Variants in STXBP5L observed in about 807,000 individuals in gnomAD.
STXBP5L encodes the protein syntaxin-binding protein 5-like.
STXBP5L carries 65 observed loss-of-function variants against 144.5 expected under a neutral mutation model. The observed-to-expected ratio is 0.45, with a 90% CI of 0.37 to 0.55. The LOEUF (loss-of-function observed/expected upper bound fraction) is 0.55, where lower values mean the gene tolerates loss of function less well. STXBP5L is among the 20% of genes least tolerant of loss of function. The pLI, the probability that STXBP5L is intolerant of heterozygous loss-of-function variation, is 0.00. For synonymous variants in STXBP5L, 505 were observed against 469.6 expected (o/e 1.08, Z -0.97); for missense variants, 1,298 against 1,405.5 (o/e 0.92, Z 1.22).
At chr3:121,081,578 G>A (rs756450693) in intron 5 of STXBP5L, among the ~76,000 whole-genome samples, 4 of 152,028 alleles carry the variant, frequency 2.6e-5, no homozygotes, top group Non-Finnish European at 4.4e-5. Flanking sequence ...AGAATGGCAG[G>A]GATCTCTTGA....
At chr3:121,386,921 G>C (rs531520655) in intron 22 of STXBP5L, among the ~76,000 whole-genome samples, 1 of 152,296 alleles carries the variant, frequency 6.6e-6, no homozygotes, top group East Asian at 1.9e-4. Flanking sequence ...TATATACCCA[G>C]TAATGGGATT....
At chr3:120,991,926 C>T (rs1422994445) in intron 3 of STXBP5L, among the ~76,000 whole-genome samples, 1 of 151,956 alleles carries the variant, frequency 6.6e-6, no homozygotes, top group African/African-American at 2.4e-5. Context: ...CTAACATGCA[C>T]GTTGTGCAGA....
intron 7 of STXBP5L, among the ~76,000 whole-genome samples, chr3:121,132,910 G>T (rs1270185368): frequency 2.0e-5 from 3 of 152,072 alleles, no homozygotes; most frequent in African/African-American, 7.2e-5. Flanking sequence ...TGAACCCAAA[G>T]ACAGGTAACT....
chr3:121,414,077 T>C (rs1300145816), intron 24 of STXBP5L, among the ~76,000 whole-genome samples: 1 of 152,146 alleles, frequency 6.6e-6, no homozygotes, highest in Non-Finnish European at 1.5e-5. Flanking sequence ...GCTCAGTGCC[T>C]GGAATATAGT....
chr3:121,188,499 C>CAAA (rs34216668), intron 9 of STXBP5L, among the ~76,000 whole-genome samples: 4,390 of 146,976 alleles, frequency 0.03, 151 homozygotes, highest in African/African-American at 0.085. Context: ...AGAGACACAG[C>CAAA]AAAAAAAAAA....
intron 18 of STXBP5L, 113 bp from the exon 19 acceptor site, chr3:121,279,692 C>T (rs2050991594): frequency 2.3e-6 from 3 of 1,292,998 alleles, no homozygotes; most frequent in Non-Finnish European, 1.1e-6. Context: ...AAATCACTGC[C>T]CAACTTCCCC....
chr3:121,219,253 G>A (rs905498464), intron 10 of STXBP5L, among the ~76,000 whole-genome samples: 4 of 152,062 alleles, frequency 2.6e-5, no homozygotes, highest in African/African-American at 9.7e-5. Context: ...CAGCAAAATG[G>A]GCCACAGTTA....
chr3:121,039,903 C>A (rs553917859), intron 3 of STXBP5L, among the ~76,000 whole-genome samples: 10 of 151,764 alleles, frequency 6.6e-5, no homozygotes, highest in Non-Finnish European at 1.3e-4. Flanking sequence ...GTTCACTAAT[C>A]CTCAATGAAT....
chr3:120,930,684 G>A (rs1007772109), intron 2 of STXBP5L, among the ~76,000 whole-genome samples: 4 of 152,056 alleles, frequency 2.6e-5, no homozygotes, highest in Non-Finnish European at 4.4e-5. Context: ...ACTCCAAAAT[G>A]ATGTTTCCCC....
intron 22 of STXBP5L, among the ~76,000 whole-genome samples, chr3:121,399,710 C>T (rs370860905): frequency 1.8e-4 from 28 of 152,310 alleles, no homozygotes; most frequent in African/African-American, 5.3e-4. Context: ...AAGCAGTTTT[C>T]GGCCCTGGGA....
At chr3:121,213,136 T>C (rs559971952) in intron 10 of STXBP5L, among the ~76,000 whole-genome samples, 1 of 152,344 alleles carries the variant, frequency 6.6e-6, no homozygotes, top group Non-Finnish European at 1.5e-5. Flanking sequence ...TTTCTAAATA[T>C]GCAATCATGT....
chr3:121,122,836 A>G (rs888053188), intron 7 of STXBP5L, among the ~76,000 whole-genome samples: 1 of 151,516 alleles, frequency 6.6e-6, no homozygotes, highest in Admixed American at 6.6e-5. Context: ...ATATGCTATA[A>G]CAAGAATCTC....
At chr3:121,286,135 T>C (rs1426325247) in intron 19 of STXBP5L, among the ~76,000 whole-genome samples, 1 of 152,188 alleles carries the variant, frequency 6.6e-6, no homozygotes, top group Non-Finnish European at 1.5e-5. Context: ...CATCAATTTC[T>C]AGTTATGCAA....
At chr3:121,088,808 T>A (rs2042623275) in intron 5 of STXBP5L, among the ~76,000 whole-genome samples, 1 of 42,996 alleles carries the variant, frequency 2.3e-5, no homozygotes, top group African/African-American at 9.6e-5. Context: ...TGGATGAAAT[T>A]GGAAACCATC....
chr3:121,318,358 A>G lies in STXBP5L; in HGVS notation c.2111-117A>G, dbSNP rs1039107451. 1.7e-5 allele frequency: 9 copies of G among 524,682 alleles called. No homozygotes were observed. The East Asian group carries it at 3.3e-4, about 19-fold the overall frequency. 32.5% of individuals were successfully genotyped at this position (524,682 alleles called of 1,614,324 possible). On this transcript the variant is annotated intron_variant, in intron 19 of 26. Coordinates refer to ENST00000471454, the MANE Select transcript of STXBP5L (RefSeq NM_001308330.2). ...TCAGAATAATTGACGTAACTTGGAC[A>G]TGATAAAGTAGTTTTCACATAAAAA...
chr3:121,284,267 T>G (rs1387009585), intron 19 of STXBP5L, among the ~76,000 whole-genome samples: 1 of 152,048 alleles, frequency 6.6e-6, no homozygotes, highest in African/African-American at 2.4e-5. Context: ...ATTCTCCTCT[T>G]AAGCCAAATT....
intron 14 of STXBP5L, among the ~76,000 whole-genome samples, chr3:121,248,627 G>C (rs1048224647): frequency 6.6e-6 from 1 of 152,086 alleles, no homozygotes; most frequent in Non-Finnish European, 1.5e-5. Flanking sequence ...TTCTTTTGCT[G>C]TGCAGAAGCT....
chr3:121,217,460 C>T (rs555631615), intron 10 of STXBP5L, among the ~76,000 whole-genome samples: 2 of 152,108 alleles, frequency 1.3e-5, no homozygotes, highest in Non-Finnish European at 2.9e-5. Context: ...CTTGCACTTC[C>T]CGGGTGAGGT....
chr3:121,117,231 CAT>C (rs4048756), intron 6 of STXBP5L, among the ~76,000 whole-genome samples: 56,334 of 151,396 alleles, frequency 0.37, 10,638 homozygotes, highest in Non-Finnish European at 0.4. Context: ...ATAATATACA[CAT>C]GATTCAGCAT....
Sources: gnomAD v4.1 joint callset for allele counts (sites outside exome capture counted in the v4.1 genomes callset) on GRCh38, gnomAD v4.1.1 for gene constraint, MANE v1.5 for transcripts, NCBI Gene and HGNC (gene_info 2026-07-23, HGNC 2026-07-21) for gene names.